The following NAV3 variants were observed in gnomAD, a reference collection of about 807,000 sequenced individuals.
The protein encoded by NAV3 is pore membrane and/or filament interacting like protein 1.
Under a neutral mutation model 244.7 loss-of-function variants are expected in NAV3, and 87 were observed. The observed-to-expected ratio is 0.36, with a 90% CI of 0.30 to 0.42. NAV3 has a LOEUF of 0.42. NAV3 is among the 20% of genes least tolerant of loss of function. The pLI, the probability that NAV3 is intolerant of heterozygous loss-of-function variation, is 1.00. For missense variants in NAV3, 2,663 were observed against 2,893.3 expected (o/e 0.92, Z 1.83); for synonymous variants, 1,126 against 1,042.2 (o/e 1.08, Z -1.55).
intron 12 of NAV3, among the ~76,000 whole-genome samples, chr12:78,086,754 C>G (rs1054274035): frequency 1.3e-5 from 2 of 152,126 alleles, no homozygotes; most frequent in African/African-American, 4.8e-5. Context: ...TGCAGCACCC[C>G]CTGTGGTACA....
At chr12:78,122,496 C>A (rs2138711987) in intron 16 of NAV3, 68 bp downstream of exon 16, 5 of 1,487,828 alleles carry the variant, frequency 3.4e-6, no homozygotes, top group Non-Finnish European at 4.5e-6. Flanking sequence ...ACCCCCACCC[C>A]ATTAAATTCC....
chr12:78,074,549 C>G (rs1952947895), intron 12 of NAV3, among the ~76,000 whole-genome samples: 1 of 152,022 alleles, frequency 6.6e-6, no homozygotes, highest in Non-Finnish European at 1.5e-5. Context: ...ACTAAAAATA[C>G]AAAAATTAGC....
chr12:77,675,726 G>A (rs1313327075), intron 2 of NAV3, among the ~76,000 whole-genome samples: 1 of 152,184 alleles, frequency 6.6e-6, no homozygotes, highest in African/African-American at 2.4e-5. Context: ...TTCCCCTGCT[G>A]TGATGGTGTC....
At chr12:77,724,192 G>T (rs936949888) in intron 2 of NAV3, among the ~76,000 whole-genome samples, 12 of 151,822 alleles carry the variant, frequency 7.9e-5, no homozygotes, top group African/African-American at 2.9e-4. Context: ...TATAAAAATT[G>T]CATTTTTCAT....
Position 78,177,312 on chromosome 12 carries a change from G to T in NAV3, c.5296G>T (p.Ala1766Ser), listed in dbSNP as rs1958276944. 1.9e-6 allele frequency: 3 copies of T among 1,599,840 alleles called. No individual in the cohort carries two copies. The highest frequency in any genetic ancestry group is 2.6e-6 in the Non-Finnish European group (3 of 1,176,190). The stretch of plus-strand genomic sequence containing the variant: ...CATGAAGCCCTCACAATCTGCTTCA[G>T]CGTAAGTTGCTCCTTCTGCAAAATG... ...ASMKPSQSAS[A>S]SPLVWPPKKR... Residue 1766 changes from alanine (A) to serine (S), a missense_variant and splice_region_variant, in exon 27 of 40, where the codon GCG becomes TCG. Ala to Ser is a moderately conservative substitution (Grantham distance 99). Coordinates refer to ENST00000397909, the MANE Select transcript of NAV3 (RefSeq NM_001024383.2).
At chr12:77,669,152 A>G (rs1485722996) in intron 2 of NAV3, among the ~76,000 whole-genome samples, 3 of 152,154 alleles carry the variant, frequency 2.0e-5, no homozygotes, top group African/African-American at 4.8e-5. Context: ...CAAATGCTGA[A>G]AGAATTTGCC....
chr12:78,021,711 A>G (rs1281900499), intron 8 of NAV3, 36 bp from the exon 9 acceptor site: 2 of 1,412,620 alleles, frequency 1.4e-6, no homozygotes, highest in South Asian at 2.3e-5. Context: ...AGTGACTATA[A>G]CTGCTATTTC....
chr12:77,778,823 T>G (rs1260035246), intron 2 of NAV3, among the ~76,000 whole-genome samples: 2 of 152,092 alleles, frequency 1.3e-5, no homozygotes, highest in Non-Finnish European at 2.9e-5. Context: ...AGGCAGAATA[T>G]TTATGCAATT....
rs536266337 is a variant in NAV3 at position 77,961,067 on chromosome 12, G to A, written c.415-5162G>A. Among the ~76,000 whole-genome samples the A allele has an allele frequency of 3.9e-4, 56 of 144,680 alleles. 1 individual carries two copies. In the South Asian group the frequency reaches 9.1e-3, roughly 24 times the overall value. 94.9% of individuals were successfully genotyped at this position (144,680 alleles called of 152,430 possible). A position where few individuals can be genotyped will look rare whatever the true frequency, so the allele number is the denominator to read the frequency against. The stretch of plus-strand genomic sequence containing the variant: ...ATATATGTATATGTTGCATGTATAC[G>A]CATATATGTATATATGTATATGTTA... On this transcript the variant is annotated intron_variant, in intron 3 of 39. Coordinates refer to ENST00000397909, the MANE Select transcript of NAV3 (RefSeq NM_001024383.2).
chr12:77,803,746 A>G (rs1450605308), intron 2 of NAV3, among the ~76,000 whole-genome samples: 1 of 152,188 alleles, frequency 6.6e-6, no homozygotes, highest in African/African-American at 2.4e-5. Flanking sequence ...TCCCACCAAC[A>G]GTGTAAAAGC....
At chr12:77,910,351 A>G (rs566258447) in intron 1 of NAV3, among the ~76,000 whole-genome samples, 13 of 151,996 alleles carry the variant, frequency 8.6e-5, no homozygotes, top group African/African-American at 3.1e-4. Flanking sequence ...TAAACAACCA[A>G]TTCTTCCTTG....
chr12:77,598,088 A>G (rs937084853), intron 2 of NAV3, among the ~76,000 whole-genome samples: 2 of 152,110 alleles, frequency 1.3e-5, no homozygotes, highest in African/African-American at 2.4e-5. Context: ...AATTGTAAAA[A>G]TAGATACCCA....
chr12:77,747,820 G>A (rs1868632071), intron 2 of NAV3, among the ~76,000 whole-genome samples: 1 of 152,064 alleles, frequency 6.6e-6, no homozygotes, highest in Non-Finnish European at 1.5e-5. Flanking sequence ...ACTCATAGGT[G>A]GGAATTGAAC....
rs748531378 is a variant in NAV3, at chr12:77,766,735, GTTTTTTTTTTT to G, written c.73-173558_73-173548del. 9.8e-4 allele frequency among the ~76,000 whole-genome samples: 59 copies of G among 60,512 alleles called. 1 individual carries two copies. The highest frequency in any genetic ancestry group is 9.1e-3 in the Middle Eastern group (1 of 110). The allele number at this position is 60,512 out of a possible 152,430, so 39.7% of individuals were successfully genotyped here. A position where few individuals can be genotyped will look rare whatever the true frequency, so the allele number is the denominator to read the frequency against. ...AGGATTCTAAAAAACAGGCAATTAA[GTTTTTTTTTTT>G]TTTTTTTTTTTTTTTTTTTTTTTTT... On this transcript the variant is annotated intron_variant, in intron 2 of 8. Coordinates refer to the NAV3 transcript ENST00000550042.
intron 1 of NAV3, among the ~76,000 whole-genome samples, chr12:77,842,894 T>C (rs112763859): frequency 3.8e-4 from 58 of 152,326 alleles, no homozygotes; most frequent in African/African-American, 1.3e-3. Context: ...TCAGCAGTGT[T>C]CATTGTTTAG....
At chr12:78,009,996 C>G (rs1329752692) in intron 8 of NAV3, among the ~76,000 whole-genome samples, 1 of 152,128 alleles carries the variant, frequency 6.6e-6, no homozygotes, top group Non-Finnish European at 1.5e-5. Context: ...GGGAGGATGA[C>G]TTGAGGCCAG....
At chr12:77,983,376 T>C (rs1057487904) in intron 5 of NAV3, among the ~76,000 whole-genome samples, 5 of 152,144 alleles carry the variant, frequency 3.3e-5, no homozygotes, top group Non-Finnish European at 7.4e-5. Flanking sequence ...AAGACAATCA[T>C]CACGTCTCTA....
intron 9 of NAV3, among the ~76,000 whole-genome samples, chr12:78,038,488 A>G (rs913696994): frequency 7.2e-5 from 11 of 152,228 alleles, no homozygotes; most frequent in African/African-American, 2.4e-4. Context: ...TTAGTGAACC[A>G]GTTTTAGAAG....
intron 11 of NAV3, among the ~76,000 whole-genome samples, chr12:78,056,938 T>C (rs1047874111): frequency 6.6e-6 from 1 of 152,218 alleles, no homozygotes; most frequent in African/African-American, 2.4e-5. Flanking sequence ...TTTCATTTTT[T>C]TCCATGTACT....
Sources: allele counts gnomAD v4.1 joint callset (sites outside exome capture counted in the v4.1 genomes callset), GRCh38; gene constraint gnomAD v4.1.1; transcripts MANE v1.5; gene names NCBI Gene and HGNC (gene_info 2026-07-23, HGNC 2026-07-21).